FNBP1: variants seen among roughly 807,000 people sequenced by gnomAD.
The protein encoded by FNBP1 is formin-binding protein 1.
In FNBP1, 26 loss-of-function variants were observed where a neutral mutation model predicts 90.6. The ratio of observed to expected loss-of-function variants is 0.29; its 90% confidence interval spans 0.21 to 0.40. The LOEUF is 0.40. FNBP1 is among the 10% of genes least tolerant of loss of function. The probability of loss-of-function intolerance (pLI) is 1.00; values close to 1 mark genes in which losing one functional copy is unlikely to be tolerated. For missense variants in FNBP1, 635 were observed against 768.0 expected (o/e 0.83, Z 2.05); for synonymous variants, 260 against 265.2 (o/e 0.98, Z 0.19).
At chr9:129,899,944 C>T (rs2036589512) in intron 15 of FNBP1, 21 bp downstream of exon 15, 1 of 1,554,696 alleles carries the variant, frequency 6.4e-7, no homozygotes, top group African/African-American at 1.4e-5. Context: ...GCAGGGGAAT[C>T]CAGCAGACAT....
chr9:130,010,334 G>A (rs2131645922), intron 1 of FNBP1, among the ~76,000 whole-genome samples: 1 of 152,200 alleles, frequency 6.6e-6, no homozygotes, highest in South Asian at 2.1e-4. Context: ...ACACAGACAT[G>A]GGCATGTGAC....
chr9:129,919,393 G>A (rs540382120), intron 10 of FNBP1, among the ~76,000 whole-genome samples: 12 of 152,206 alleles, frequency 7.9e-5, no homozygotes, highest in African/African-American at 1.9e-4. Context: ...TATGAAAAAC[G>A]TACATCCATA....
upstream of FNBP1, among the ~76,000 whole-genome samples, chr9:130,044,298 T>C (rs1212527306): frequency 2.0e-5 from 3 of 152,126 alleles, no homozygotes; most frequent in African/African-American, 7.2e-5. Flanking sequence ...CACCCCACCA[T>C]TTTCAACCTG....
Position 130,017,871 on chromosome 9 carries a change from G to GTT in FNBP1, c.25-22915_25-22914dup, listed in dbSNP as rs373281834. Among the ~76,000 whole-genome samples, 374 of 93,758 alleles carry GTT rather than the reference G, an allele frequency of 4.0e-3. 4 individuals are homozygous for GTT. Among genetic ancestry groups the GTT allele is most frequent in the African/African-American group, 0.014 (323 of 23,774 alleles). 61.5% of individuals were successfully genotyped at this position (93,758 alleles called of 152,430 possible). A position where few individuals can be genotyped will look rare whatever the true frequency, so the allele number is the denominator to read the frequency against. On this transcript the variant is annotated intron_variant, in intron 1 of 16. Transcript: ENST00000446176. Reference sequence around the variant, plus strand: ...GGACATCATGGTCTGGTCTAACGTGGTTTTTTTTTTTTTTTTTTTTTACCT... The same window carrying GTT: ...GGACATCATGGTCTGGTCTAACGTGGTTTTTTTTTTTTTTTTTTTTTTTACCT...
chr9:129,893,622 A>AAAAAAAAAAAAAAAAG (rs2035337852), intron 16 of FNBP1, among the ~76,000 whole-genome samples: 1 of 127,924 alleles, frequency 7.8e-6, no homozygotes, highest in African/African-American at 3.0e-5. Flanking sequence ...CAAAAAAAAA[A>AAAAAAAAAAAAAAAAG]AAAAAAAAAA....
chr9:130,028,779 T>C (rs1184641932), intron 1 of FNBP1, among the ~76,000 whole-genome samples: 1 of 152,254 alleles, frequency 6.6e-6, no homozygotes, highest in Non-Finnish European at 1.5e-5. Flanking sequence ...CTTGGAGGAA[T>C]GCAACTCTGC....
chr9:129,975,138 G>A (rs2050106921), intron 4 of FNBP1, among the ~76,000 whole-genome samples: 1 of 152,204 alleles, frequency 6.6e-6, no homozygotes, highest in African/African-American at 2.4e-5. Context: ...AGAATCACTG[G>A]AACCCAGAAG....
chr9:129,966,391 T>C lies in FNBP1; in HGVS notation c.346-7838A>G, dbSNP rs1263885586. Among the ~76,000 whole-genome samples, 3 of 152,062 alleles carry C rather than the reference T, an allele frequency of 2.0e-5. No individual in the cohort carries two copies. Among genetic ancestry groups the C allele is most frequent in the Admixed American group, 6.6e-5 (1 of 15,260 alleles). ...CGGAGGGCAGGCAGGGGCTTGACCATGGACAGCCTCACCAGCCACGGTAAG... is the reference window on the plus strand; with the variant it reads ...CGGAGGGCAGGCAGGGGCTTGACCACGGACAGCCTCACCAGCCACGGTAAG... On this transcript the variant is annotated intron_variant, in intron 4 of 16. Transcript: ENST00000446176. The surrounding 1 kb of genome is among the most constrained non-coding windows in gnomAD (Gnocchi z 4.3).
At chr9:129,976,334 AG>A (rs2050301726) in intron 4 of FNBP1, among the ~76,000 whole-genome samples, 1 of 152,180 alleles carries the variant, frequency 6.6e-6, no homozygotes, top group Non-Finnish European at 1.5e-5. Flanking sequence ...GACAACCAAA[AG>A]TGTCTCCAGA....
intron 6 of FNBP1, among the ~76,000 whole-genome samples, chr9:129,941,234 C>A (rs1209683443): frequency 6.6e-6 from 1 of 151,548 alleles, no homozygotes; most frequent in African/African-American, 2.4e-5. Flanking sequence ...ACTAAAAATA[C>A]AAAAATTAGC....
At chr9:129,991,760 T>C (rs1173541654) in intron 2 of FNBP1, among the ~76,000 whole-genome samples, 2 of 150,834 alleles carry the variant, frequency 1.3e-5, no homozygotes, top group Non-Finnish European at 3.0e-5. Flanking sequence ...TCTGGGTTCA[T>C]GCCATTCTCC....
At chr9:129,990,385 G>A (rs1386322319) in intron 2 of FNBP1, among the ~76,000 whole-genome samples, 1 of 152,114 alleles carries the variant, frequency 6.6e-6, no homozygotes, top group African/African-American at 2.4e-5. Flanking sequence ...AGCAGGAGAG[G>A]GAGTCAGCCA....
chr9:129,907,600 T>C (rs1174609654), intron 12 of FNBP1, among the ~76,000 whole-genome samples: 6 of 151,212 alleles, frequency 4.0e-5, no homozygotes, highest in Non-Finnish European at 8.9e-5. Context: ...TGTGTGTGTG[T>C]GTGTGTGTGT....
chr9:129,928,176 TG>T (rs1410725700), intron 7 of FNBP1, among the ~76,000 whole-genome samples: 1 of 152,238 alleles, frequency 6.6e-6, no homozygotes, highest in African/African-American at 2.4e-5. Context: ...GAAGAACATA[TG>T]TCTATCTTTT....
intron 6 of FNBP1, among the ~76,000 whole-genome samples, chr9:129,948,401 G>A (rs1041332732): frequency 1.1e-5 from 1 of 90,992 alleles, no homozygotes; most frequent in African/African-American, 4.7e-5. Context: ...CTTTTGCTCT[G>A]TCCCTCAGGC....
intron 4 of FNBP1, among the ~76,000 whole-genome samples, chr9:129,964,740 A>T (rs1355201477): frequency 1.3e-5 from 2 of 152,160 alleles, no homozygotes; most frequent in Non-Finnish European, 2.9e-5. Flanking sequence ...ATGCTATGAG[A>T]ATGTTTAGTA....
intron 2 of FNBP1, among the ~76,000 whole-genome samples, chr9:129,981,949 G>A (rs894777416): frequency 9.2e-5 from 14 of 152,280 alleles, no homozygotes; most frequent in East Asian, 3.9e-4. Context: ...TGGCATACAC[G>A]TCAACATATC....
intron 1 of FNBP1, among the ~76,000 whole-genome samples, chr9:130,040,902 C>G (rs1444665104): frequency 6.6e-6 from 1 of 152,052 alleles, no homozygotes; most frequent in Non-Finnish European, 1.5e-5. Context: ...CATCTACTAA[C>G]AACCCAAATT....
intron 1 of FNBP1, among the ~76,000 whole-genome samples, chr9:130,028,926 C>G (rs2058577364): frequency 6.6e-6 from 1 of 152,140 alleles, no homozygotes; most frequent in Admixed American, 6.6e-5. Context: ...AGTTATATAA[C>G]AGGCATCTTG....
Sources: gnomAD v4.1 joint callset for allele counts (sites outside exome capture counted in the v4.1 genomes callset) on GRCh38, gnomAD v4.1.1 for gene constraint, Gnocchi (gnomAD v3.1) non-coding constraint, MANE v1.5 for transcripts, NCBI Gene and HGNC (gene_info 2026-07-23, HGNC 2026-07-21) for gene names.